CARS1: variants seen among roughly 807,000 people sequenced by gnomAD.
CARS1 encodes cysteine--tRNA ligase, cytoplasmic.
In CARS1, 48 loss-of-function variants were observed where a neutral mutation model predicts 106.2. That is an observed-to-expected ratio of 0.45 (90% confidence interval 0.36 to 0.57). The LOEUF is 0.57. CARS1 is among the 20% of genes least tolerant of loss of function. The pLI is 0.00. For missense variants in CARS1, 968 were observed against 1,057.2 expected, an observed-to-expected ratio of 0.92 and a Z score of 1.17; for synonymous variants, 409 against 403.4, an observed-to-expected ratio of 1.01 and a Z score of -0.17.
chr11:3,046,554 C>T lies in CARS1; in HGVS notation c.274+1199G>A, dbSNP rs1483745341. Among the ~76,000 whole-genome samples the T allele has an allele frequency of 6.6e-6, 1 of 152,206 alleles. No homozygotes were observed. The highest frequency in any genetic ancestry group is 6.5e-5 in the Admixed American group (1 of 15,276). On this transcript the variant is annotated intron_variant, in intron 2 of 22. Transcript: ENST00000380525. This position sits in a 1 kb window ranked among gnomAD's most constrained non-coding sequence, Gnocchi z 5.8. ...CTGCAGAGTTATCCAGAAAACACGA[C>T]CCACAGGAGATGTGACATCCCCACC...
intron 17 of CARS1, among the ~76,000 whole-genome samples, chr11:3,014,930 C>T (rs1417739842): frequency 6.6e-6 from 1 of 152,238 alleles, no homozygotes; most frequent in African/African-American, 2.4e-5. Context: ...TTGTATTAAG[C>T]TCCTGTTTTA....
chr11:3,017,397 C>T lies in CARS1; in HGVS notation c.1728-102G>A, dbSNP rs745758124. On this transcript the variant is annotated intron_variant, in intron 15 of 22. Transcript: ENST00000380525. The surrounding 1 kb of genome is among the most constrained non-coding windows in gnomAD (Gnocchi z 4.9). ...GTGGCTCACGCCTATAATCCCAGCA[C>T]TTTGGGAGGCTGAGGTGGGCGGATC... The T allele has an allele frequency of 3.9e-5, 40 of 1,026,892 alleles. No homozygotes were observed. Among genetic ancestry groups the T allele is most frequent in the Non-Finnish European group, 5.8e-5 (40 of 686,554 alleles). The allele number at this position is 1,026,892 out of a possible 1,614,324, so 63.6% of individuals were successfully genotyped here.
chr11:3,008,285 C>T lies in CARS1; in HGVS notation c.2069-1326G>A, dbSNP rs1850095663. The T allele has an allele frequency of 1.3e-5, 2 of 152,360 alleles. No individual in the cohort carries two copies. The highest frequency in any genetic ancestry group is 4.8e-5 in the African/African-American group (2 of 41,448). The allele number at this position is 152,360 out of a possible 1,614,324, so 9.4% of individuals were successfully genotyped here. A position where few individuals can be genotyped will look rare whatever the true frequency, so the allele number is the denominator to read the frequency against. On this transcript the variant is annotated intron_variant, in intron 18 of 22. Transcript: ENST00000380525. The surrounding 1 kb of genome is among the most constrained non-coding windows in gnomAD (Gnocchi z 5.1). ...CTCATAACTGAGACCCCTAGAGCTC[C>T]TTGCTGGGCACCCCACACCTTCATT...
rs182233160 is a variant in CARS1, at chr11:3,026,785, A to C, written c.1044T>G (p.Asn348Lys). The change falls in exon 10 of 23, where the codon AAT (asparagine) becomes AAG (lysine). Residue 348 changes from asparagine to lysine, a missense_variant. By Grantham distance (94) the Asn-to-Lys change is moderately conservative. Coordinates refer to ENST00000380525, the MANE Select transcript of CARS1 (RefSeq NM_001014437.3). ...IVDNGYGYVS[N>K]GSVYFDTAKF... ...TCGCTGTATCAAAGTAGACAGACCCATTGGAGACATAGCTGGAAAACAGAA... is the reference window on the plus strand; with the variant it reads ...TCGCTGTATCAAAGTAGACAGACCCCTTGGAGACATAGCTGGAAAACAGAA... 1.3e-4 allele frequency: 206 copies of C among 1,611,746 alleles called. No individual in the cohort carries two copies. The East Asian group carries it at 4.5e-3, about 35-fold the overall frequency.
intron 1 of CARS1, among the ~76,000 whole-genome samples, chr11:3,049,714 C>T (rs575480121): frequency 6.6e-6 from 1 of 152,346 alleles, no homozygotes; most frequent in South Asian, 2.1e-4. Flanking sequence ...ACAGGCTGCC[C>T]GACATCACAG....
Position 3,041,564 on chromosome 11 carries a change from G to T in CARS1, c.367-580C>A, listed in dbSNP as rs537087196. ...GCATCATCCTCAACCAGTTTCCCAA[G>T]GAAGGCCATGAACTCCCTCACACCT... On this transcript the variant is annotated intron_variant, in intron 3 of 22. Coordinates refer to ENST00000380525, the MANE Select transcript of CARS1 (RefSeq NM_001014437.3). The surrounding 1 kb of genome is among the most constrained non-coding windows in gnomAD (Gnocchi z 4.9). Among the ~76,000 whole-genome samples, 5 of 152,192 alleles carry T rather than the reference G, an allele frequency of 3.3e-5. No homozygotes were observed. In the East Asian group the frequency reaches 9.7e-4, roughly 29 times the overall value.
In CARS1 at chr11:3,019,522, C is replaced by T. The variant is rs1371532753; in HGVS notation, c.1267-255G>A. Among the ~76,000 whole-genome samples the T allele has an allele frequency of 2.0e-5, 3 of 152,062 alleles. No individual in the cohort carries two copies. The highest frequency in any genetic ancestry group is 4.4e-5 in the Non-Finnish European group (3 of 68,012). On this transcript the variant is annotated intron_variant, in intron 11 of 22. Coordinates refer to ENST00000380525, the MANE Select transcript of CARS1 (RefSeq NM_001014437.3). This position sits in a 1 kb window ranked among gnomAD's most constrained non-coding sequence, Gnocchi z 6.2. ...CAGCCTGGCCAACATGGTGAAACCC[C>T]GTCTCTACTAAAAATACAAAAAAAT...
intron 2 of CARS1, among the ~76,000 whole-genome samples, chr11:3,042,494 G>A (rs901488861): frequency 1.3e-5 from 2 of 151,174 alleles, no homozygotes; most frequent in Non-Finnish European, 1.5e-5. Context: ...GTGTGATCTC[G>A]GCTCACTGCA....
At chr11:3,035,914 G>A (rs1057177174) in intron 7 of CARS1, among the ~76,000 whole-genome samples, 2 of 151,456 alleles carry the variant, frequency 1.3e-5, no homozygotes, top group African/African-American at 4.8e-5. Flanking sequence ...AATGTCCCCT[G>A]TGCTAAGAGG....
intron 21 of CARS1, 83 bp from the exon 22 acceptor site, chr11:3,002,136 C>T (rs1590301486): frequency 1.1e-6 from 1 of 918,252 alleles, no homozygotes; most frequent in East Asian, 2.4e-5. Flanking sequence ...CTCATACCTC[C>T]AGCCCTCAAC....
chr11:3,048,045 A>G lies in CARS1; in HGVS notation c.26-44T>C, dbSNP rs1275544776. On this transcript the variant is annotated intron_variant, in intron 1 of 22. Coordinates refer to ENST00000380525, the MANE Select transcript of CARS1 (RefSeq NM_001014437.3). This position sits in a 1 kb window ranked among gnomAD's most constrained non-coding sequence, Gnocchi z 5.1. The stretch of plus-strand genomic sequence containing the variant: ...CATGGTGTCAGGCAGGCAGGCGGGC[A>G]GCCCAGAGGCCGCCAGAAAGACAGG... 6.3e-7 allele frequency: 1 copy of G among 1,596,016 alleles called. No homozygotes were observed. The highest frequency in any genetic ancestry group is 1.3e-5 in the African/African-American group (1 of 74,668).
At chr11:3,007,012 C>T in intron 18 of CARS1, 53 bp from the exon 19 acceptor site, 2 of 1,391,656 alleles carry the variant, frequency 1.4e-6, no homozygotes, top group African/African-American at 1.4e-5. Context: ...AGGGCCCACA[C>T]AACCAGTGCC....
rs993536265 is a variant in CARS1, at chr11:3,037,437, T to A, written c.801+613A>T. ...CTGCAGCCGTCTCTTCTCTTTTCCATCGAGTTCTTAAAGGGTGACCAGCAG... is the reference window on the plus strand; with the variant it reads ...CTGCAGCCGTCTCTTCTCTTTTCCAACGAGTTCTTAAAGGGTGACCAGCAG... On this transcript the variant is annotated intron_variant, in intron 7 of 22. Coordinates refer to ENST00000380525, the MANE Select transcript of CARS1 (RefSeq NM_001014437.3). This position sits in a 1 kb window ranked among gnomAD's most constrained non-coding sequence, Gnocchi z 5.9. Among the ~76,000 whole-genome samples the A allele has an allele frequency of 6.6e-6, 1 of 152,140 alleles. No homozygotes were observed. The highest frequency in any genetic ancestry group is 1.5e-5 in the Non-Finnish European group (1 of 68,018).
At chr11:3,007,254 CG>C (rs1565017624) in intron 18 of CARS1, 1 of 436,608 alleles carries the variant, frequency 2.3e-6, no homozygotes, top group African/African-American at 2.0e-5. Context: ...CACTGGCCGC[CG>C]GAAGCAGTTC....
rs746477175 is a variant in CARS1 at position 3,001,955 on chromosome 11, T to C, written c.2361+15A>G. 6 of 1,580,900 alleles carry C rather than the reference T, an allele frequency of 3.8e-6. No individual in the cohort carries two copies. In the Admixed American group the frequency reaches 5.0e-5, roughly 13 times the overall value. On this transcript the variant is annotated intron_variant, in intron 22 of 22. Coordinates refer to ENST00000380525, the MANE Select transcript of CARS1 (RefSeq NM_001014437.3). ...TCAAGTTCTGAATAGAAGAGAAGGA[T>C]GCTTACATGCTTACATTTTCATCAA...
intron 9 of CARS1, chr11:3,027,894 G>C: frequency 2.2e-6 from 1 of 453,400 alleles, no homozygotes; most frequent in South Asian, 1.6e-5. Context: ...TGCCCCGCGG[G>C]AGTCTGGAGA....
chr11:3,017,111 G>C lies in CARS1; in HGVS notation c.1912C>G (p.Leu638Val), dbSNP rs762087136. 2 of 1,612,376 alleles carry C rather than the reference G, an allele frequency of 1.2e-6. No homozygotes were observed. The highest frequency in any genetic ancestry group is 8.5e-7 in the Non-Finnish European group (1 of 1,178,542). ...ENIALYLTHM[L>V]KIFGAVEEDS... ...CTGCCTGGGGCCTGGCTTACCTTCAGCATATGGGTGAGGTACAGGGCGATG... is the reference window on the plus strand; with the variant it reads ...CTGCCTGGGGCCTGGCTTACCTTCACCATATGGGTGAGGTACAGGGCGATG... The change falls in exon 16 of 23, where the codon CTG (leucine) becomes GTG (valine). Residue 638 changes from leucine to valine, a missense_variant. Leu to Val is a conservative substitution (Grantham distance 32, BLOSUM62 1). Coordinates refer to ENST00000380525, the MANE Select transcript of CARS1 (RefSeq NM_001014437.3). This position sits in a 1 kb window ranked among gnomAD's most constrained non-coding sequence, Gnocchi z 4.9.
chr11:3,015,667 C>T (rs988305307), intron 17 of CARS1, 114 bp downstream of exon 17: 5 of 917,292 alleles, frequency 5.5e-6, no homozygotes, highest in Non-Finnish European at 9.1e-6. Flanking sequence ...AGGCGCTGTC[C>T]GGAAGGGTCT....
Position 3,040,565 on chromosome 11 carries a change from T to C in CARS1, c.455+331A>G, listed in dbSNP as rs1854309570. 1 of 511,378 alleles carries C rather than the reference T, an allele frequency of 2.0e-6. No individual in the cohort carries two copies. The highest frequency in any genetic ancestry group is 1.9e-5 in the African/African-American group (1 of 52,242). The allele number at this position is 511,378 out of a possible 1,614,324, so 31.7% of individuals were successfully genotyped here. A position where few individuals can be genotyped will look rare whatever the true frequency, so the allele number is the denominator to read the frequency against. The stretch of plus-strand genomic sequence containing the variant: ...CTGAGTGTCACGGGAACTCAGCATC[T>C]GGGGACCCCACGAGAGCTTGAGGGA... On this transcript the variant is annotated intron_variant, in intron 4 of 22. Coordinates refer to ENST00000380525, the MANE Select transcript of CARS1 (RefSeq NM_001014437.3). The surrounding 1 kb of genome is among the most constrained non-coding windows in gnomAD (Gnocchi z 5.8).
Sources: gnomAD v4.1 joint callset for allele counts (sites outside exome capture counted in the v4.1 genomes callset) on GRCh38, gnomAD v4.1.1 for gene constraint, Gnocchi (gnomAD v3.1) non-coding constraint, MANE v1.5 for transcripts, NCBI Gene and HGNC (gene_info 2026-07-23, HGNC 2026-07-21) for gene names.